The following CNNM2 variants were observed in gnomAD, a reference collection of about 807,000 sequenced individuals.
CNNM2 encodes the protein cyclin and CBS domain divalent metal cation transport mediator 2.
CNNM2 carries 12 observed loss-of-function variants against 66.9 expected under a neutral mutation model. The ratio of observed to expected loss-of-function variants is 0.18; its 90% CI spans 0.11 to 0.29. The LOEUF is 0.29. Ranked by LOEUF, CNNM2 falls within the 10% of genes least tolerant of loss-of-function variation. The probability of loss-of-function intolerance (pLI) is 1.00; values close to 1 mark genes in which losing one functional copy is unlikely to be tolerated. For synonymous variants in CNNM2, 557 were observed against 501.8 expected, an observed-to-expected ratio of 1.11 and a Z score of -1.47; for missense variants, 705 against 1,167.7, an observed-to-expected ratio of 0.60 and a Z score of 5.77.
chr10:103,067,725 ACT>A (rs2065504704), intron 4 of CNNM2, among the ~76,000 whole-genome samples: 1 of 152,112 alleles, frequency 6.6e-6, no homozygotes, highest in Non-Finnish European at 1.5e-5. Flanking sequence ...TGAATAAGAC[ACT>A]CTATCCCAAA....
At chr10:102,969,315 A>C (rs1298093260) in intron 1 of CNNM2, among the ~76,000 whole-genome samples, 1 of 151,440 alleles carries the variant, frequency 6.6e-6, no homozygotes, top group Non-Finnish European at 1.5e-5. Context: ...TGGGGTTCAA[A>C]CGATTCTCCT....
chr10:103,053,364 A>T (rs958656046), intron 2 of CNNM2, among the ~76,000 whole-genome samples: 6 of 152,178 alleles, frequency 3.9e-5, no homozygotes, highest in Admixed American at 1.3e-4. Flanking sequence ...AAAAAATTTT[A>T]AAATTAGCTG....
intron 1 of CNNM2, among the ~76,000 whole-genome samples, chr10:102,949,127 A>T (rs762227779): frequency 6.6e-5 from 10 of 152,136 alleles, no homozygotes; most frequent in African/African-American, 9.7e-5. Context: ...AATTTAGGCA[A>T]TGGACTCATA....
intron 1 of CNNM2, among the ~76,000 whole-genome samples, chr10:102,952,279 T>C (rs1233461846): frequency 1.3e-5 from 2 of 149,664 alleles, no homozygotes; most frequent in African/African-American, 4.9e-5. Flanking sequence ...TGTTAAATGA[T>C]GGGGGCCGGG....
intron 1 of CNNM2, among the ~76,000 whole-genome samples, chr10:102,987,316 C>CTTA (rs562811214): frequency 1.1e-4 from 17 of 151,530 alleles, no homozygotes; most frequent in South Asian, 4.2e-4. Context: ...ATACATTAAG[C>CTTA]TTATTATTAT....
Position 103,089,928 on chromosome 10 carries a change from A to G in CNNM2, c.*12748A>G, listed in dbSNP as rs1293612691. ...AGGCATCTAGACAGAAAAAAGCTAG[A>G]GGCTCAGAAAGCAGGCAGAGCAAAG... On this transcript the variant is annotated 3_prime_UTR_variant, in exon 8 of 8. Coordinates refer to ENST00000369878, the MANE Select transcript of CNNM2 (RefSeq NM_017649.5). 1.4e-5 allele frequency: 22 copies of G among 1,562,236 alleles called. No homozygotes were observed. Among genetic ancestry groups the G allele is most frequent in the Non-Finnish European group, 1.9e-5 (22 of 1,153,236 alleles).
chr10:103,089,891 C>CGTTGATTCATGA lies in CNNM2; in HGVS notation c.*12713_*12724dup. 6.2e-7 allele frequency: 1 copy of CGTTGATTCATGA among 1,604,926 alleles called. No individual in the cohort carries two copies. The highest frequency in any genetic ancestry group is 8.5e-7 in the Non-Finnish European group (1 of 1,175,110). ...TGATATCTACGTGTGTGTGCTCCAC[C>CGTTGATTCATGA]GTTGATTCATGAGGCATCTAGACAG... On this transcript the variant is annotated 3_prime_UTR_variant, in exon 8 of 8. Transcript: ENST00000369878.
In CNNM2 at chr10:102,919,168, G is replaced by C. The variant is rs769609105; in HGVS notation, c.688G>C (p.Glu230Gln). 6.2e-7 allele frequency: 1 copy of C among 1,611,108 alleles called. No individual in the cohort carries two copies. The highest frequency in any genetic ancestry group is 8.5e-7 in the Non-Finnish European group (1 of 1,179,924). Reference sequence around the variant, plus strand: ...CGGGCTCCCGCCGCCCCCGTGGGCCGAGACCACCTGGATTTACCACGACGG... The same window carrying C: ...CGGGCTCCCGCCGCCCCCGTGGGCCCAGACCACCTGGATTTACCACGACGG... ...VAGLPPPPWA[E>Q]TTWIYHDGED... Residue 230 changes from glutamate to glutamine, a missense_variant, in exon 1 of 8, where the codon GAG (glutamate) becomes CAG (glutamine). Around this residue, in one of 9 missense-constraint regions of CNNM2, gnomAD observed 100 missense variants for 151.9 expected, o/e 0.66. Transcript: ENST00000369878.
intron 1 of CNNM2, among the ~76,000 whole-genome samples, chr10:103,037,022 G>A (rs1009424072): frequency 1.4e-4 from 22 of 152,158 alleles, no homozygotes; most frequent in African/African-American, 4.6e-4. Context: ...GGAAACTGGG[G>A]AAAAGTAAAT....
chr10:102,922,802 G>A (rs919448931), intron 1 of CNNM2, among the ~76,000 whole-genome samples: 5 of 152,016 alleles, frequency 3.3e-5, no homozygotes, highest in African/African-American at 1.2e-4. Context: ...TTAGCTGGGC[G>A]TGGTGGTGTG....
At chr10:103,018,562 G>A (rs996874951) in intron 1 of CNNM2, among the ~76,000 whole-genome samples, 1 of 152,102 alleles carries the variant, frequency 6.6e-6, no homozygotes, top group Admixed American at 6.5e-5. Flanking sequence ...AAAAGTGGAG[G>A]TTCAAGAGTG....
At chr10:102,952,926 G>T (rs1023230916) in intron 1 of CNNM2, among the ~76,000 whole-genome samples, 3 of 152,216 alleles carry the variant, frequency 2.0e-5, no homozygotes, top group African/African-American at 7.2e-5. Context: ...CTGTATGTTG[G>T]TGATGTCATT....
chr10:103,074,855 G>A (rs1383233281), intron 6 of CNNM2, among the ~76,000 whole-genome samples: 1 of 152,164 alleles, frequency 6.6e-6, no homozygotes, highest in East Asian at 1.9e-4. Flanking sequence ...AATATTAGGA[G>A]AAAGTGAACT....
At chr10:102,926,814 C>T (rs961500393) in intron 1 of CNNM2, among the ~76,000 whole-genome samples, 1 of 150,976 alleles carries the variant, frequency 6.6e-6, no homozygotes, top group Non-Finnish European at 1.5e-5. Context: ...CTCCTGGGCT[C>T]ATGCCATTCT....
intron 1 of CNNM2, among the ~76,000 whole-genome samples, chr10:102,964,674 C>A (rs891689644): frequency 4.6e-5 from 7 of 152,102 alleles, no homozygotes; most frequent in African/African-American, 1.7e-4. Context: ...TTGGGCTCTG[C>A]TACTTGGTAG....
At chr10:103,018,639 A>C (rs921877726) in intron 1 of CNNM2, among the ~76,000 whole-genome samples, 2 of 151,414 alleles carry the variant, frequency 1.3e-5, no homozygotes, top group Admixed American at 6.6e-5. Context: ...TCCACTAAGG[A>C]GAACCAGGAA....
At chr10:103,006,385 T>A (rs1420344060) in intron 1 of CNNM2, among the ~76,000 whole-genome samples, 1 of 151,916 alleles carries the variant, frequency 6.6e-6, no homozygotes, top group African/African-American at 2.4e-5. Flanking sequence ...TTTTGTATTA[T>A]TGGTAGAGAC....
At chr10:103,045,222 T>G (rs2065107156) in intron 1 of CNNM2, among the ~76,000 whole-genome samples, 1 of 152,254 alleles carries the variant, frequency 6.6e-6, no homozygotes, top group South Asian at 2.1e-4. Flanking sequence ...CTTGACCTGA[T>G]GCAGTGTTTA....
At chr10:102,985,893 G>A (rs112368598) in intron 1 of CNNM2, among the ~76,000 whole-genome samples, 6 of 152,188 alleles carry the variant, frequency 3.9e-5, no homozygotes, top group Non-Finnish European at 7.3e-5. Context: ...AGACTTCAGA[G>A]TATTATCCAT....
Sources: gnomAD v4.1 joint callset for allele counts (sites outside exome capture counted in the v4.1 genomes callset) on GRCh38, gnomAD v4.1.1 for gene constraint, gnomAD v4.1.1 regional missense constraint, MANE v1.5 for transcripts, NCBI Gene and HGNC (gene_info 2026-07-23, HGNC 2026-07-21) for gene names.